Variants in PHKB observed in about 807,000 individuals in gnomAD.
PHKB encodes the protein phosphorylase b kinase regulatory subunit beta.
PHKB carries 122 observed loss-of-function variants against 152.1 expected under a neutral mutation model. The observed-to-expected ratio is 0.80, with a 90% CI of 0.69 to 0.93. The LOEUF (loss-of-function observed/expected upper bound fraction) is 0.93, where lower values mean the gene tolerates loss of function less well. PHKB is among the 40% of genes least tolerant of loss of function. PHKB has a pLI of 0.00. For missense variants in PHKB, 1,304 were observed against 1,328.4 expected (o/e 0.98, Z 0.29); for synonymous variants, 436 against 464.9 (o/e 0.94, Z 0.80).
intron 1 of PHKB, among the ~76,000 whole-genome samples, chr16:47,483,635 T>C (rs1031910750): frequency 2.0e-5 from 3 of 152,170 alleles, no homozygotes; most frequent in African/African-American, 7.2e-5. Context: ...TCTTTTTATA[T>C]CATTCCCATC....
At position 47,587,675 on chromosome 16, in the gene PHKB, C is replaced by T. The variant is rs1211584169; in HGVS notation, c.782C>T (p.Ser261Leu). 5 of 1,611,562 alleles carry T rather than the reference C, an allele frequency of 3.1e-6. No homozygotes were observed. The highest frequency in any genetic ancestry group is 1.7e-5 in the Admixed American group (1 of 59,952). The part of the protein sequence containing the change: ...GFNLFGNQGC[S>L]WSVIFVDLDA... ...TTCTTTTTCTCTGTCCAGGGCTGTT[C>T]GTGGTCAGTTATATTTGTGGATCTC... The change falls in exon 9 of 31, where the codon TCG (serine) becomes TTG (leucine). Residue 261 changes from serine (S) to leucine (L), a missense_variant. By Grantham distance (145) the Ser-to-Leu change is moderately radical. Coordinates refer to ENST00000323584, the MANE Select transcript of PHKB (RefSeq NM_000293.3).
intron 1 of PHKB, among the ~76,000 whole-genome samples, chr16:47,478,589 A>T (rs191426079): frequency 6.7e-6 from 1 of 149,362 alleles, no homozygotes; most frequent in Admixed American, 6.7e-5. Flanking sequence ...AACCCCATTT[A>T]AAAAAAAATC....
At chr16:47,467,928 T>C (rs987471140) in intron 1 of PHKB, among the ~76,000 whole-genome samples, 8 of 152,212 alleles carry the variant, frequency 5.3e-5, no homozygotes, top group Non-Finnish European at 1.2e-4. Flanking sequence ...CAAATGGGTA[T>C]ATGGTGGGCA....
chr16:47,545,306 A>C (rs1297973163), intron 6 of PHKB, among the ~76,000 whole-genome samples: 1 of 152,184 alleles, frequency 6.6e-6, no homozygotes, highest in Non-Finnish European at 1.5e-5. Flanking sequence ...AAAATCTCTC[A>C]GCATTTGCTT....
intron 1 of PHKB, among the ~76,000 whole-genome samples, chr16:47,464,816 G>A (rs1308106915): frequency 6.6e-6 from 1 of 152,132 alleles, no homozygotes; most frequent in African/African-American, 2.4e-5. Flanking sequence ...AACCTATTAT[G>A]TACTAGAAAA....
At chr16:47,555,187 A>G (rs146625012) in intron 7 of PHKB, among the ~76,000 whole-genome samples, 133 of 152,302 alleles carry the variant, frequency 8.7e-4, no homozygotes, top group African/African-American at 3.0e-3. Context: ...TATTTTCTTC[A>G]TCGAACTATG....
chr16:47,631,291 G>A (rs1002977026), intron 14 of PHKB, among the ~76,000 whole-genome samples: 2 of 152,178 alleles, frequency 1.3e-5, no homozygotes, highest in Non-Finnish European at 2.9e-5. Context: ...GACTAGATGT[G>A]TAACCTTTGA....
At chr16:47,614,294 C>T (rs1972479089) in intron 14 of PHKB, among the ~76,000 whole-genome samples, 1 of 152,152 alleles carries the variant, frequency 6.6e-6, no homozygotes, top group Non-Finnish European at 1.5e-5. Flanking sequence ...CCCACCAGTC[C>T]CTACCTTCAA....
At chr16:47,605,933 T>C (rs1293519739) in intron 13 of PHKB, among the ~76,000 whole-genome samples, 1 of 152,236 alleles carries the variant, frequency 6.6e-6, no homozygotes, top group Non-Finnish European at 1.5e-5. Flanking sequence ...TCAGCTTTGC[T>C]CTATACCAAC....
chr16:47,595,052 T>TATAATAATAA (rs1422490007), intron 12 of PHKB, among the ~76,000 whole-genome samples: 14 of 152,364 alleles, frequency 9.2e-5, no homozygotes, highest in Middle Eastern at 6.8e-3. Flanking sequence ...GAATATTAAT[T>TATAATAATAA]TTTAAAAGTT....
At chr16:47,481,874 G>A (rs1272010893) in intron 1 of PHKB, among the ~76,000 whole-genome samples, 14 of 152,148 alleles carry the variant, frequency 9.2e-5, no homozygotes, top group Admixed American at 9.2e-4. Flanking sequence ...AACGCTTGTT[G>A]TTTCCATGAC....
chr16:47,531,606 G>C (rs939534953), intron 6 of PHKB, among the ~76,000 whole-genome samples: 1 of 152,062 alleles, frequency 6.6e-6, no homozygotes, highest in Non-Finnish European at 1.5e-5. Flanking sequence ...TAATAGCATT[G>C]CTTTACATTT....
chr16:47,478,540 C>T (rs1478437365), intron 1 of PHKB, among the ~76,000 whole-genome samples: 1 of 131,494 alleles, frequency 7.6e-6, no homozygotes, highest in Admixed American at 8.6e-5. Flanking sequence ...AATCCTAGGT[C>T]TTCCACTTGC....
intron 24 of PHKB, 168 bp downstream of exon 24, chr16:47,663,902 C>G (rs576178560): frequency 1.6e-6 from 1 of 639,958 alleles, no homozygotes; most frequent in Admixed American, 2.4e-5. Flanking sequence ...GTCTGTCCCC[C>G]CACTGCCTCC....
At chr16:47,576,955 C>T (rs977045579) in intron 7 of PHKB, among the ~76,000 whole-genome samples, 3 of 151,838 alleles carry the variant, frequency 2.0e-5, no homozygotes, top group African/African-American at 4.8e-5. Context: ...ATTAATTTCT[C>T]ATATGTTTGG....
At chr16:47,565,908 A>AG in intron 7 of PHKB, 2 of 1,115,880 alleles carry the variant, frequency 1.8e-6, no homozygotes, top group South Asian at 3.0e-5. Context: ...CTTTAGATTC[A>AG]GTTTGGGTCT....
chr16:47,575,772 G>A (rs1234758480), intron 7 of PHKB, among the ~76,000 whole-genome samples: 1 of 152,090 alleles, frequency 6.6e-6, no homozygotes, highest in Admixed American at 6.5e-5. Context: ...CATTATTCAG[G>A]CAATGGTTAC....
intron 1 of PHKB, among the ~76,000 whole-genome samples, chr16:47,478,754 A>T (rs988408231): frequency 4.6e-5 from 7 of 152,118 alleles, no homozygotes; most frequent in African/African-American, 1.7e-4. Context: ...TACTATAATG[A>T]TATTATTCTT....
chr16:47,585,342 A>G lies in PHKB; in HGVS notation c.775-2326A>G, dbSNP rs760679757. On this transcript the variant is annotated intron_variant, in intron 8 of 30. Transcript: ENST00000323584. ...AATCAAGATACTGACAAATGAGCCG[A>G]GACCAGAATCTAAAAGGTAATGACT... Among the ~76,000 whole-genome samples the G allele has an allele frequency of 6.6e-5, 10 of 152,366 alleles. No individual in the cohort carries two copies. In the South Asian group the frequency reaches 1.2e-3, roughly 19 times the overall value.
Sources: gnomAD v4.1 joint callset for allele counts (sites outside exome capture counted in the v4.1 genomes callset) on GRCh38, gnomAD v4.1.1 for gene constraint, MANE v1.5 for transcripts, NCBI Gene and HGNC (gene_info 2026-07-23, HGNC 2026-07-21) for gene names.